NRG3: variants seen among roughly 807,000 people sequenced by gnomAD.
The protein encoded by NRG3 is pro-neuregulin-3, membrane-bound isoform.
Under a neutral mutation model 66.9 loss-of-function variants are expected in NRG3, and 31 were observed. That is an observed-to-expected ratio of 0.46 (90% CI 0.35 to 0.63). The LOEUF (loss-of-function observed/expected upper bound fraction) is 0.63. Among genes scored for constraint, NRG3 ranks in the 20% least tolerant of loss-of-function variants. The pLI, the probability that NRG3 is intolerant of heterozygous loss-of-function variation, is 0.00. For synonymous variants in NRG3, 393 were observed against 359.4 expected, an observed-to-expected ratio of 1.09 and a Z score of -1.06; for missense variants, 910 against 878.9, an observed-to-expected ratio of 1.04 and a Z score of -0.45.
At chr10:82,361,742 G>A (rs1052014000) in intron 2 of NRG3, among the ~76,000 whole-genome samples, 4 of 152,086 alleles carry the variant, frequency 2.6e-5, no homozygotes, top group African/African-American at 7.2e-5. Context: ...CATGCTACCA[G>A]GAGTATGTTT....
chr10:81,939,495 G>T (rs1238689600), intron 1 of NRG3, among the ~76,000 whole-genome samples: 1 of 151,574 alleles, frequency 6.6e-6, no homozygotes, highest in Non-Finnish European at 1.5e-5. Context: ...GTTCAGTCTT[G>T]GTAAGTTGTA....
At chr10:82,257,245 G>C (rs1483669054) in intron 1 of NRG3, among the ~76,000 whole-genome samples, 1 of 152,116 alleles carries the variant, frequency 6.6e-6, no homozygotes, top group Admixed American at 6.6e-5. Flanking sequence ...AAGGGAAAGA[G>C]AAGAGAGAAG....
intron 1 of NRG3, among the ~76,000 whole-genome samples, chr10:82,235,562 C>T (rs548781572): frequency 6.6e-6 from 1 of 152,262 alleles, no homozygotes; most frequent in South Asian, 2.1e-4. Flanking sequence ...CAAGTAATCT[C>T]CCACTGCTCT....
intron 2 of NRG3, among the ~76,000 whole-genome samples, chr10:82,504,255 T>C (rs1229875986): frequency 6.6e-6 from 1 of 152,204 alleles, no homozygotes; most frequent in African/African-American, 2.4e-5. Flanking sequence ...GCAGCCTGAA[T>C]GTTCTTGTGT....
At chr10:82,447,331 T>A (rs1386414193) in intron 2 of NRG3, among the ~76,000 whole-genome samples, 1 of 151,998 alleles carries the variant, frequency 6.6e-6, no homozygotes, top group East Asian at 2.0e-4. Context: ...ATGCCTGTAG[T>A]TCCAGCACTT....
At chr10:82,705,324 T>C (rs113756427) in intron 2 of NRG3, among the ~76,000 whole-genome samples, 4,133 of 152,248 alleles carry the variant, frequency 0.027, 193 homozygotes, top group African/African-American at 0.094. Context: ...TGTTAGACAA[T>C]GCTAACACTG....
At chr10:82,731,366 C>CAAAA (rs557587083) in intron 2 of NRG3, among the ~76,000 whole-genome samples, 2 of 85,424 alleles carry the variant, frequency 2.3e-5, no homozygotes, top group African/African-American at 3.9e-5. Flanking sequence ...TACTCTGTCT[C>CAAAA]AAAAAAAAAA....
chr10:81,900,200 T>G (rs1843909356), intron 1 of NRG3, among the ~76,000 whole-genome samples: 1 of 151,826 alleles, frequency 6.6e-6, no homozygotes, highest in Non-Finnish European at 1.5e-5. Context: ...CCACCCGCCT[T>G]GGCCTCCCAA....
chr10:82,007,995 T>C (rs1295340199), intron 1 of NRG3, among the ~76,000 whole-genome samples: 1 of 152,184 alleles, frequency 6.6e-6, no homozygotes, highest in African/African-American at 2.4e-5. Flanking sequence ...TATTCCCTAA[T>C]TTTTTTATTT....
At chr10:82,804,675 C>T (rs1409144226) in intron 3 of NRG3, among the ~76,000 whole-genome samples, 2 of 152,174 alleles carry the variant, frequency 1.3e-5, no homozygotes, top group Non-Finnish European at 2.9e-5. Flanking sequence ...ATTTGCCTTA[C>T]AACACAAAGC....
intron 2 of NRG3, among the ~76,000 whole-genome samples, chr10:82,556,530 T>C (rs1488959054): frequency 2.0e-5 from 3 of 152,188 alleles, no homozygotes; most frequent in African/African-American, 7.2e-5. Flanking sequence ...TGCCGACCAA[T>C]GGCATCTGCC....
intron 1 of NRG3, among the ~76,000 whole-genome samples, chr10:82,258,544 G>C (rs763903714): frequency 6.6e-6 from 1 of 152,152 alleles, no homozygotes; most frequent in Non-Finnish European, 1.5e-5. Flanking sequence ...ATTGCACAAA[G>C]GCCGTAGTGC....
In NRG3 at chr10:82,624,070, A is replaced by G. The variant is rs369801946; in HGVS notation, c.954-114507A>G. 5.9e-5 allele frequency among the ~76,000 whole-genome samples: 9 copies of G among 152,230 alleles called. No individual in the cohort carries two copies. The East Asian group carries it at 1.5e-3, about 26-fold the overall frequency. ...CATTTAATTTTAACTTCACCACTCT[A>G]CTTAATACCTCTGGGTTTAATTTTG... On this transcript the variant is annotated intron_variant, in intron 2 of 8. Coordinates refer to ENST00000372141, the MANE Select transcript of NRG3 (RefSeq NM_001010848.4).
At chr10:82,083,762 TG>T (rs372964183) in intron 1 of NRG3, among the ~76,000 whole-genome samples, 23 of 150,714 alleles carry the variant, frequency 1.5e-4, no homozygotes, top group African/African-American at 5.6e-4. Context: ...GCCCGGCTAA[TG>T]TTTTTTTTTG....
intron 3 of NRG3, among the ~76,000 whole-genome samples, chr10:82,862,885 C>T (rs1324207544): frequency 6.6e-6 from 1 of 152,092 alleles, no homozygotes; most frequent in South Asian, 2.1e-4. Flanking sequence ...GATACATGTG[C>T]AGAACATGCA....
At chr10:82,532,633 A>T (rs949332616) in intron 2 of NRG3, among the ~76,000 whole-genome samples, 2 of 149,054 alleles carry the variant, frequency 1.3e-5, no homozygotes, top group African/African-American at 4.9e-5. Context: ...AGAGAGTACT[A>T]TATATATATG....
intron 2 of NRG3, among the ~76,000 whole-genome samples, chr10:82,480,317 A>G (rs1024691028): frequency 2.6e-5 from 4 of 152,216 alleles, no homozygotes; most frequent in African/African-American, 9.6e-5. Flanking sequence ...ACTAATAATC[A>G]TTGAATTGCA....
At chr10:82,517,659 G>C (rs987761995) in intron 2 of NRG3, among the ~76,000 whole-genome samples, 3 of 127,944 alleles carry the variant, frequency 2.3e-5, no homozygotes, top group African/African-American at 1.1e-4. Flanking sequence ...GTGTGTGTGT[G>C]TGTGTGTGTG....
intron 2 of NRG3, among the ~76,000 whole-genome samples, chr10:82,526,704 C>G (rs936747921): frequency 6.6e-6 from 1 of 151,748 alleles, no homozygotes; most frequent in Non-Finnish European, 1.5e-5. Flanking sequence ...TTATATTCAC[C>G]TGGTAACAGT....
Sources: allele counts gnomAD v4.1 joint callset (sites outside exome capture counted in the v4.1 genomes callset), GRCh38; gene constraint gnomAD v4.1.1; transcripts MANE v1.5; gene names NCBI Gene and HGNC (gene_info 2026-07-23, HGNC 2026-07-21).